The following TAS2R1 variants were observed in gnomAD, a reference collection of about 807,000 sequenced individuals.
The protein encoded by TAS2R1 is taste 2 receptor member 1.
For missense variants in TAS2R1, 370 were observed against 353.4 expected (o/e 1.05, Z -0.38); for synonymous variants, 141 against 134.2 (o/e 1.05, Z -0.35).
In TAS2R1 at chr5:9,639,554, G is replaced by A. The variant is rs1740031809; in HGVS notation, c.-80-9562C>T. On this transcript the variant is annotated intron_variant, in intron 2 of 2. Coordinates refer to the TAS2R1 transcript ENST00000506620. ...GTTTTCCTGGCATGTTCCTGCAGTG[G>A]TTCTTGGAGCAAAAGATCATGATGT... Among the ~76,000 whole-genome samples, 2 of 152,160 alleles carry A rather than the reference G, an allele frequency of 1.3e-5. 1 individual carries two copies. Among genetic ancestry groups the A allele is most frequent in the South Asian group, 4.1e-4 (2 of 4,830 alleles).
the TAS2R1 span, among the ~76,000 whole-genome samples, chr5:9,845,453 T>C: frequency 1.3e-5 from 2 of 152,216 alleles, no homozygotes; most frequent in Non-Finnish European, 2.9e-5. Context: ...AAGTAGTTTC[T>C]GGGCAAGCTC....
the TAS2R1 span, among the ~76,000 whole-genome samples, chr5:9,817,224 G>A: frequency 1.3e-5 from 2 of 152,076 alleles, no homozygotes; most frequent in South Asian, 2.1e-4. Context: ...ATCTTCTCCT[G>A]GAAAAAGATA....
At chr5:9,693,669 A>T (rs1278938173) in intron 1 of TAS2R1, among the ~76,000 whole-genome samples, 1 of 151,814 alleles carries the variant, frequency 6.6e-6, no homozygotes, top group Non-Finnish European at 1.5e-5. Context: ...AGACAAATAC[A>T]TTTCTTAAAT....
the TAS2R1 span, among the ~76,000 whole-genome samples, chr5:9,826,409 C>T: frequency 1.3e-5 from 2 of 152,200 alleles, no homozygotes; most frequent in Non-Finnish European, 2.9e-5. Flanking sequence ...CTAATACCTA[C>T]ATGATCCCAG....
chr5:9,875,610 G>C, the TAS2R1 span, among the ~76,000 whole-genome samples: 1 of 152,156 alleles, frequency 6.6e-6, no homozygotes, highest in Non-Finnish European at 1.5e-5. Context: ...AGGGAGATCT[G>C]GTGCACTACT....
chr5:9,629,170 G>T lies in TAS2R1; in HGVS notation c.863C>A (p.Ala288Glu), dbSNP rs1413890408. 25 of 1,580,548 alleles carry T rather than the reference G, an allele frequency of 1.6e-5. No homozygotes were observed. In the Admixed American group the frequency reaches 2.9e-4, roughly 18 times the overall value. ...CTTACTGTGGAGGAGGAACTTTTTT[G>T]CATTTTGTTTCAATTTAGGATTTCC... ...ILGNPKLKQN[A>E]KKFLLHSKCC... Residue 288 changes from alanine to glutamate, a missense_variant, in exon 1 of 1, where the codon GCA (alanine) becomes GAA (glutamate). By Grantham distance (107) the Ala-to-Glu change is moderately radical. Transcript: ENST00000382492.
chr5:9,830,338 T>G, the TAS2R1 span, among the ~76,000 whole-genome samples: 2 of 151,998 alleles, frequency 1.3e-5, no homozygotes, highest in Admixed American at 6.6e-5. Context: ...GGTAGATAGT[T>G]GACAGACACA....
upstream of TAS2R1, among the ~76,000 whole-genome samples, chr5:9,634,930 C>G (rs1397476353): frequency 1.3e-5 from 2 of 151,872 alleles, no homozygotes; most frequent in Non-Finnish European, 2.9e-5. Flanking sequence ...ATTTGGATGC[C>G]CTTTATTTCT....
At chr5:9,742,419 G>A in the TAS2R1 span, among the ~76,000 whole-genome samples, 1 of 152,170 alleles carries the variant, frequency 6.6e-6, no homozygotes, top group South Asian at 2.1e-4. Flanking sequence ...TCCCCTGAGA[G>A]ATTTGTACAT....
At chr5:9,633,294 T>TATTATATATATATA (rs1476544403), upstream of TAS2R1, among the ~76,000 whole-genome samples, 38 of 67,814 alleles carry the variant, frequency 5.6e-4, 1 homozygote, top group African/African-American at 2.4e-3. Flanking sequence ...TGTGTGTATA[T>TATTATATATATATA]TATATATATA....
intron 1 of TAS2R1, among the ~76,000 whole-genome samples, chr5:9,688,491 C>A (rs139367262): frequency 6.6e-6 from 1 of 152,160 alleles, no homozygotes; most frequent in Non-Finnish European, 1.5e-5. Flanking sequence ...CTGGGTGAGA[C>A]AGCCCCATAG....
At chr5:9,744,365 G>T in the TAS2R1 span, among the ~76,000 whole-genome samples, 5 of 152,162 alleles carry the variant, frequency 3.3e-5, no homozygotes, top group Admixed American at 6.5e-5. Flanking sequence ...AAGTGGACAC[G>T]TTCATTAGTT....
At chr5:9,682,277 C>T (rs1741008692) in intron 1 of TAS2R1, among the ~76,000 whole-genome samples, 1 of 152,192 alleles carries the variant, frequency 6.6e-6, no homozygotes, top group Non-Finnish European at 1.5e-5. Context: ...TTTGGCAGAA[C>T]ATGGCTTTGT....
the TAS2R1 span, among the ~76,000 whole-genome samples, chr5:9,782,075 T>C: frequency 6.6e-6 from 1 of 152,236 alleles, no homozygotes; most frequent in African/African-American, 2.4e-5. Context: ...CATTTGTGAA[T>C]ATATCTTGAT....
At chr5:9,894,799 C>T in the TAS2R1 span, among the ~76,000 whole-genome samples, 1 of 152,248 alleles carries the variant, frequency 6.6e-6, no homozygotes, top group Non-Finnish European at 1.5e-5. Context: ...GAAACCACTT[C>T]ACAGCAGGTT....
intron 2 of TAS2R1, among the ~76,000 whole-genome samples, chr5:9,659,223 C>T (rs1740479374): frequency 6.6e-6 from 1 of 152,128 alleles, no homozygotes; most frequent in African/African-American, 2.4e-5. Context: ...CAGGGGAGCA[C>T]AGGGACCCCA....
At chr5:9,644,459 T>G (rs1272828908) in intron 2 of TAS2R1, among the ~76,000 whole-genome samples, 1 of 152,062 alleles carries the variant, frequency 6.6e-6, no homozygotes, top group African/African-American at 2.4e-5. Flanking sequence ...CTTGGGTCAT[T>G]GGCATTATCC....
At chr5:9,866,763 T>A in the TAS2R1 span, among the ~76,000 whole-genome samples, 1 of 152,250 alleles carries the variant, frequency 6.6e-6, no homozygotes, top group Non-Finnish European at 1.5e-5. Context: ...ACTTCTCAGA[T>A]GTCATTTTTG....
chr5:9,890,242 C>T, the TAS2R1 span, among the ~76,000 whole-genome samples: 2 of 152,120 alleles, frequency 1.3e-5, no homozygotes, highest in African/African-American at 4.8e-5. Flanking sequence ...TCAAAAAGGC[C>T]GCCTACGTGA....
Sources: gnomAD v4.1 joint callset for allele counts (sites outside exome capture counted in the v4.1 genomes callset) on GRCh38, gnomAD v4.1.1 for gene constraint, MANE v1.5 for transcripts, NCBI Gene and HGNC (gene_info 2026-07-23, HGNC 2026-07-21) for gene names.